The following LRRIQ1 variants were observed in gnomAD, a reference collection of about 807,000 sequenced individuals.
LRRIQ1 encodes the protein leucine-rich repeat- and IQ domain-containing protein 1.
LRRIQ1 carries 210 observed loss-of-function variants against 211.9 expected under a neutral mutation model. That is an observed-to-expected ratio of 0.99 (90% confidence interval 0.89 to 1.11). LRRIQ1 has a LOEUF of 1.11. Ranked by LOEUF, LRRIQ1 falls within the 50% of genes most tolerant of loss-of-function variation. LRRIQ1 has a pLI of 0.00. For synonymous variants in LRRIQ1, 699 were observed against 650.1 expected (o/e 1.08, Z -1.14); for missense variants, 2,136 against 1,939.5 (o/e 1.10, Z -1.90).
intron 8 of LRRIQ1, among the ~76,000 whole-genome samples, chr12:85,059,138 A>G (rs908405899): frequency 3.3e-5 from 5 of 151,924 alleles, no homozygotes; most frequent in Non-Finnish European, 5.9e-5. Context: ...CTGATCTTTT[A>G]GCTTCAGATC....
At chr12:85,231,234 T>C (rs1894923604) in intron 25 of LRRIQ1, among the ~76,000 whole-genome samples, 1 of 152,198 alleles carries the variant, frequency 6.6e-6, no homozygotes, top group Non-Finnish European at 1.5e-5. Context: ...TAATAATATA[T>C]ATAAACCTAA....
chr12:85,135,059 T>A (rs1445533194), intron 18 of LRRIQ1, among the ~76,000 whole-genome samples: 1 of 152,056 alleles, frequency 6.6e-6, no homozygotes, highest in Non-Finnish European at 1.5e-5. Context: ...CTGTAGCATT[T>A]AATACGTCTT....
Position 85,228,226 on chromosome 12 carries a change from T to G in LRRIQ1, c.4823-1291T>G, listed in dbSNP as rs1056509901. ...ACAGCAAAAGAAACTACCATCAGAG[T>G]GAACAGGCAACCTACAGAATGGGAG... On this transcript the variant is annotated intron_variant, in intron 24 of 26. Coordinates refer to ENST00000393217, the MANE Select transcript of LRRIQ1 (RefSeq NM_001079910.2). 1.8e-4 allele frequency among the ~76,000 whole-genome samples: 27 copies of G among 152,146 alleles called. No individual in the cohort carries two copies. In the Middle Eastern group the frequency reaches 0.01, roughly 58 times the overall value.
At position 85,071,254 on chromosome 12, in the gene LRRIQ1, A is replaced by G. The variant is rs375263061; in HGVS notation, c.2696-1653A>G. Among the ~76,000 whole-genome samples the G allele has an allele frequency of 2.9e-4, 44 of 152,106 alleles. No individual in the cohort carries two copies. The East Asian group carries it at 3.3e-3, about 11-fold the overall frequency. ...TATATGTGTGCATCTATATATATGC[A>G]CGTATCTAAGGAAATACATGTTATG... On this transcript the variant is annotated intron_variant, in intron 10 of 26. Transcript: ENST00000393217.
intron 4 of LRRIQ1, among the ~76,000 whole-genome samples, 177 bp from the exon 5 acceptor site, chr12:85,045,843 T>G (rs1003551840): frequency 1.3e-5 from 2 of 152,102 alleles, no homozygotes; most frequent in African/African-American, 4.8e-5. Flanking sequence ...TGGGAAAATT[T>G]TTTATTCATT....
At chr12:85,152,179 G>T in intron 19 of LRRIQ1, 101 bp from the exon 20 acceptor site, 1 of 884,620 alleles carries the variant, frequency 1.1e-6, no homozygotes. Context: ...TAAAAATTCT[G>T]ATATACTTTG....
chr12:85,226,155 T>A (rs940803352), intron 24 of LRRIQ1, among the ~76,000 whole-genome samples: 34 of 152,206 alleles, frequency 2.2e-4, no homozygotes, highest in African/African-American at 8.2e-4. Context: ...TGAAGTGTTA[T>A]TGTAGAATTG....
chr12:85,263,749 C>CT (rs923946054), exon 2 of LRRIQ1: 44 of 151,974 alleles, frequency 2.9e-4, no homozygotes, highest in African/African-American at 1.0e-3. Flanking sequence ...TCAAGAAATA[C>CT]TTTATCATTT....
chr12:85,244,821 A>C lies in LRRIQ1; in HGVS notation c.5049A>C (p.Leu1683Phe). ...ARLVSREDTD[L>F]DLFSMTNGSA... ...TTGTAAGCAGAGAAGACACGGATTT[A>C]GACCTTTTTTCCATGACCAATGGAA... Residue 1683 changes from leucine to phenylalanine, a missense_variant, in exon 27 of 27, where the codon TTA becomes TTC. By Grantham distance (22) the Leu-to-Phe change is conservative (BLOSUM62 0). Coordinates refer to ENST00000393217, the MANE Select transcript of LRRIQ1 (RefSeq NM_001079910.2). The C allele has an allele frequency of 6.2e-7, 1 of 1,611,624 alleles. No homozygotes were observed. The highest frequency in any genetic ancestry group is 1.1e-5 in the South Asian group (1 of 90,996).
chr12:85,165,698 A>G (rs1852111996), intron 24 of LRRIQ1, among the ~76,000 whole-genome samples: 1 of 151,888 alleles, frequency 6.6e-6, no homozygotes, highest in Non-Finnish European at 1.5e-5. Context: ...TGGTCTCCTG[A>G]GCTCAGGCAA....
chr12:85,121,635 A>T, intron 15 of LRRIQ1, 62 bp from the exon 16 acceptor site: 6 of 1,255,308 alleles, frequency 4.8e-6, no homozygotes, highest in South Asian at 1.8e-5. Flanking sequence ...GTATATGGTT[A>T]TTTAGATACA....
At position 85,106,565 on chromosome 12, in the gene LRRIQ1, C is replaced by G; in HGVS notation, c.3327C>G (p.Leu1109=). Residue 1109 remains leucine (L), a synonymous_variant, in exon 15 of 27, where the codon CTC becomes CTG. Transcript: ENST00000393217. ...AIKWFDACYS[L]HELSLTGNPL... ...AATGGTTTGATGCATGCTATTCTCT[C>G]CATGAATTGTCTCTTACTGGAAACC... 6.2e-7 allele frequency: 1 copy of G among 1,612,550 alleles called. No homozygotes were observed. Among genetic ancestry groups the G allele is most frequent in the Non-Finnish European group, 8.5e-7 (1 of 1,179,314 alleles).
chr12:85,111,941 T>TACAC (rs1230998694), intron 15 of LRRIQ1, among the ~76,000 whole-genome samples: 2 of 114,704 alleles, frequency 1.7e-5, no homozygotes, highest in African/African-American at 3.2e-5. Context: ...ATTTTATATA[T>TACAC]ATATACACAC....
chr12:85,036,993 C>T (rs955195575), intron 1 of LRRIQ1, among the ~76,000 whole-genome samples: 50 of 152,108 alleles, frequency 3.3e-4, no homozygotes, highest in African/African-American at 1.2e-3. Context: ...ACTTGAAATG[C>T]AGCTAATCCT....
chr12:85,247,066 A>G (rs1287365686), downstream of LRRIQ1, among the ~76,000 whole-genome samples: 1 of 151,606 alleles, frequency 6.6e-6, no homozygotes, highest in Non-Finnish European at 1.5e-5. Context: ...TCACCTAAAC[A>G]TAGTTATATA....
intron 20 of LRRIQ1, 67 bp from the exon 21 acceptor site, chr12:85,152,957 A>T: frequency 8.0e-7 from 1 of 1,244,816 alleles, no homozygotes; most frequent in Non-Finnish European, 1.1e-6. Flanking sequence ...ATGCATGTAA[A>T]ATAATACAAC....
intron 26 of LRRIQ1, among the ~76,000 whole-genome samples, chr12:85,235,576 A>C (rs964515140): frequency 2.6e-5 from 4 of 152,164 alleles, no homozygotes; most frequent in Admixed American, 2.0e-4. Context: ...GACTTTGATA[A>C]GGCAGTTCTC....
At chr12:85,174,046 G>A (rs1891560429) in intron 24 of LRRIQ1, among the ~76,000 whole-genome samples, 1 of 151,956 alleles carries the variant, frequency 6.6e-6, no homozygotes, top group African/African-American at 2.4e-5. Context: ...CACTCTAAAA[G>A]AAGCAAATGA....
chr12:85,169,568 G>A (rs1022842521), intron 24 of LRRIQ1, among the ~76,000 whole-genome samples: 2 of 151,908 alleles, frequency 1.3e-5, no homozygotes, highest in Non-Finnish European at 2.9e-5. Flanking sequence ...TGTAGCTTTC[G>A]TATTTCATCC....
Sources: gnomAD v4.1 joint callset for allele counts (sites outside exome capture counted in the v4.1 genomes callset) on GRCh38, gnomAD v4.1.1 for gene constraint, MANE v1.5 for transcripts, NCBI Gene and HGNC (gene_info 2026-07-23, HGNC 2026-07-21) for gene names.